Variants in BAIAP2L1 observed in about 807,000 individuals in gnomAD.
The protein encoded by BAIAP2L1 is BAR/IMD domain-containing adapter protein 2-like 1.
In BAIAP2L1, 35 loss-of-function variants were observed where a neutral mutation model predicts 66.3. That is an observed-to-expected ratio of 0.53 (90% CI 0.40 to 0.70). The LOEUF (loss-of-function observed/expected upper bound fraction) is 0.70, where lower values mean the gene tolerates loss of function less well. Ranked by LOEUF, BAIAP2L1 falls within the 30% of genes least tolerant of loss-of-function variation. The pLI is 0.00. For synonymous variants in BAIAP2L1, 269 were observed against 248.7 expected (o/e 1.08, Z -0.77); for missense variants, 622 against 656.9 (o/e 0.95, Z 0.58).
At chr7:98,304,138 C>T in intron 12 of BAIAP2L1, 58 bp downstream of exon 12, 1 of 1,480,768 alleles carries the variant, frequency 6.8e-7, no homozygotes, top group South Asian at 1.3e-5. Flanking sequence ...GGACCTGCGC[C>T]TCCCAGTCGG....
rs549450701 is a variant in BAIAP2L1, at chr7:98,369,710, C to G, written c.52-7278G>C. Among the ~76,000 whole-genome samples, 80 of 136,280 alleles carry G rather than the reference C, an allele frequency of 5.9e-4. 2 individuals carry two copies. The highest frequency in any genetic ancestry group is 3.4e-3 in the Admixed American group (41 of 11,940). The allele number at this position is 136,280 out of a possible 152,430, so 89.4% of individuals were successfully genotyped here. A position where few individuals can be genotyped will look rare whatever the true frequency, so the allele number is the denominator to read the frequency against. The stretch of plus-strand genomic sequence containing the variant: ...TTTTTGAGCTAGAGCTTTGCTCTGT[C>G]GCCCAGGCTGGAGTGCAATGGTGCC... On this transcript the variant is annotated intron_variant, in intron 1 of 13. Coordinates refer to ENST00000005260, the MANE Select transcript of BAIAP2L1 (RefSeq NM_018842.5).
At chr7:98,319,323 G>A (rs1363635438) in intron 5 of BAIAP2L1, among the ~76,000 whole-genome samples, 3 of 152,176 alleles carry the variant, frequency 2.0e-5, no homozygotes, top group Admixed American at 2.0e-4. Flanking sequence ...TAGAGAAGGG[G>A]CGCCATGCAG....
At chr7:98,307,381 C>G (rs2116857576) in intron 10 of BAIAP2L1, 1 of 1,184,882 alleles carries the variant, frequency 8.4e-7, no homozygotes, top group African/African-American at 1.6e-5. Context: ...GCTGGGATTA[C>G]AAGCATGAGC....
intron 1 of BAIAP2L1, among the ~76,000 whole-genome samples, chr7:98,383,355 C>T (rs1388151468): frequency 1.3e-5 from 2 of 149,402 alleles, no homozygotes; most frequent in Non-Finnish European, 3.0e-5. Flanking sequence ...GCGATCTTGG[C>T]TCACCACAAC....
chr7:98,305,010 C>A (rs941913535), intron 11 of BAIAP2L1, among the ~76,000 whole-genome samples: 2 of 149,210 alleles, frequency 1.3e-5, no homozygotes, highest in Non-Finnish European at 3.0e-5. Flanking sequence ...GGATTACAGG[C>A]GCCTGCCACC....
chr7:98,396,679 T>G (rs1025684692), intron 1 of BAIAP2L1, among the ~76,000 whole-genome samples: 5 of 152,108 alleles, frequency 3.3e-5, no homozygotes, highest in Admixed American at 2.6e-4. Flanking sequence ...TCCCAGCTAC[T>G]CGGGAGGCTG....
chr7:98,325,109 G>A (rs990969882), intron 3 of BAIAP2L1, among the ~76,000 whole-genome samples: 1 of 152,246 alleles, frequency 6.6e-6, no homozygotes, highest in African/African-American at 2.4e-5. Context: ...TGGAGGCCAG[G>A]TGCAGTGGCT....
rs1562785233 is a variant in BAIAP2L1 at position 98,363,034 on chromosome 7, T to TC, written c.52-603_52-602insG. Among the ~76,000 whole-genome samples the TC allele has an allele frequency of 7.6e-3, 989 of 129,314 alleles. 42 individuals carry two copies. The highest frequency in any genetic ancestry group is 0.019 in the African/African-American group (591 of 31,368). The allele number at this position is 129,314 out of a possible 152,430, so 84.8% of individuals were successfully genotyped here. The stretch of plus-strand genomic sequence containing the variant: ...ATGTCCCTGGCATTTTTTCTTTTTT[T>TC]TTTTTTTTTTTTTTTTTTGAGACGG... On this transcript the variant is annotated intron_variant, in intron 1 of 13. Transcript: ENST00000005260.
chr7:98,401,022 AAAACTT>A lies in BAIAP2L1; in HGVS notation c.-176_-171del. ...CGCGCGTCTCCGCTGCGAAAATGTC[AAAACTT>A]GCGGCAGCGCCGCCCTGGCCTTCTT... On this transcript the variant is annotated 5_prime_UTR_variant, in exon 1 of 14. Transcript: ENST00000005260. 1 of 502,962 alleles carries A rather than the reference AAAACTT, an allele frequency of 2.0e-6. No homozygotes were observed. Among genetic ancestry groups the A allele is most frequent in the Non-Finnish European group, 3.1e-6 (1 of 318,378 alleles). The allele number at this position is 502,962 out of a possible 1,614,324, so 31.2% of individuals were successfully genotyped here. A position where few individuals can be genotyped will look rare whatever the true frequency, so the allele number is the denominator to read the frequency against.
intron 1 of BAIAP2L1, among the ~76,000 whole-genome samples, chr7:98,393,991 G>A (rs1803136776): frequency 6.6e-6 from 1 of 151,992 alleles, no homozygotes; most frequent in African/African-American, 2.4e-5. Context: ...TGTAATCCCA[G>A]CACTTTGGGA....
At chr7:98,297,293 G>A (rs1180622059) in intron 12 of BAIAP2L1, among the ~76,000 whole-genome samples, 1 of 152,236 alleles carries the variant, frequency 6.6e-6, no homozygotes, top group Non-Finnish European at 1.5e-5. Flanking sequence ...ACTGTACGGA[G>A]CTTCCAGGGT....
chr7:98,386,066 C>T, intron 1 of BAIAP2L1: 1 of 1,524,658 alleles, frequency 6.6e-7, no homozygotes, highest in Admixed American at 1.7e-5. Flanking sequence ...GTCTGCACCT[C>T]TCGGGTCATG....
intron 11 of BAIAP2L1, among the ~76,000 whole-genome samples, chr7:98,305,223 A>G (rs1800607877): frequency 6.6e-6 from 1 of 151,370 alleles, no homozygotes; most frequent in African/African-American, 2.4e-5. Context: ...ACAAAAGGAG[A>G]GGAAACCTTT....
At chr7:98,337,991 A>G (rs978993130) in intron 3 of BAIAP2L1, among the ~76,000 whole-genome samples, 1 of 152,208 alleles carries the variant, frequency 6.6e-6, no homozygotes, top group Admixed American at 6.5e-5. Flanking sequence ...TGATTTTAGT[A>G]TGAATTCATT....
intron 3 of BAIAP2L1, among the ~76,000 whole-genome samples, chr7:98,340,318 T>C (rs1031273105): frequency 5.3e-5 from 8 of 152,146 alleles, no homozygotes; most frequent in African/African-American, 1.9e-4. Context: ...GACAGAGTCT[T>C]GCCTTGTCGC....
At chr7:98,318,519 T>C (rs1311240245) in intron 5 of BAIAP2L1, among the ~76,000 whole-genome samples, 1 of 151,956 alleles carries the variant, frequency 6.6e-6, no homozygotes, top group Non-Finnish European at 1.5e-5. Context: ...TGACCTTGGA[T>C]CCACCCGCCT....
chr7:98,357,125 G>A (rs1802154348), intron 2 of BAIAP2L1, among the ~76,000 whole-genome samples: 1 of 132,300 alleles, frequency 7.6e-6, no homozygotes, highest in African/African-American at 2.8e-5. Flanking sequence ...GGGTTCAAGG[G>A]ATCCTCTTGC....
chr7:98,358,685 C>A (rs1017166661), intron 2 of BAIAP2L1, among the ~76,000 whole-genome samples: 3 of 152,088 alleles, frequency 2.0e-5, no homozygotes, highest in Non-Finnish European at 4.4e-5. Context: ...TGGCCAACTA[C>A]TTCATCAGTC....
At chr7:98,300,695 G>A (rs750719688) in intron 12 of BAIAP2L1, among the ~76,000 whole-genome samples, 2 of 152,064 alleles carry the variant, frequency 1.3e-5, no homozygotes, top group East Asian at 1.9e-4. Flanking sequence ...AAGCACCACC[G>A]TGAGGTGCGA....
Sources: allele counts gnomAD v4.1 joint callset (sites outside exome capture counted in the v4.1 genomes callset), GRCh38; gene constraint gnomAD v4.1.1; transcripts MANE v1.5; gene names NCBI Gene and HGNC (gene_info 2026-07-23, HGNC 2026-07-21).